TUBGCP2: variants seen among roughly 807,000 people sequenced by gnomAD.
The protein encoded by TUBGCP2 is gamma-tubulin complex component 2.
In TUBGCP2, 55 loss-of-function variants were observed where a neutral mutation model predicts 92.2. That is an observed-to-expected ratio of 0.60 (90% confidence interval 0.48 to 0.75). TUBGCP2 has a LOEUF of 0.75. Ranked by LOEUF, TUBGCP2 falls within the 30% of genes least tolerant of loss-of-function variation. The probability of loss-of-function intolerance (pLI) is 0.00; values close to 1 mark genes in which losing one functional copy is unlikely to be tolerated. For synonymous variants in TUBGCP2, 533 were observed against 505.2 expected, an observed-to-expected ratio of 1.06 and a Z score of -0.74; for missense variants, 1,093 against 1,188.9, an observed-to-expected ratio of 0.92 and a Z score of 1.19.
chr10:133,304,105 G>C (rs998225782), intron 1 of TUBGCP2, among the ~76,000 whole-genome samples: 1 of 152,232 alleles, frequency 6.6e-6, no homozygotes. Context: ...GGCTGAGTCA[G>C]GTGAGTCACT....
chr10:133,303,250 C>T (rs555149630), intron 1 of TUBGCP2, among the ~76,000 whole-genome samples: 1 of 148,918 alleles, frequency 6.7e-6, no homozygotes, highest in Admixed American at 6.8e-5. Flanking sequence ...TGAACTCCAG[C>T]AGCCTCTCAG....
In TUBGCP2 at chr10:133,293,573, G is replaced by A. The variant is rs766939009; in HGVS notation, c.813C>T (p.Ser271=). 1.4e-4 allele frequency: 221 copies of A among 1,552,090 alleles called. No individual in the cohort carries two copies. The highest frequency in any genetic ancestry group is 1.7e-4 in the Non-Finnish European group (191 of 1,147,748). Residue 271 remains serine, a synonymous_variant, in exon 6 of 18, where the codon TCC becomes TCT. Coordinates refer to ENST00000252936, the MANE Select transcript of TUBGCP2 (RefSeq NM_006659.4). ...HRILPVAASY[S]AVTRFIEEKS... ...CGCCCGGTGCCCACCTGGTCACAGC[G>A]GAGTAGCTGGCGGCCACTGGGAGGA...
chr10:133,286,171 C>A (rs2136113064), intron 11 of TUBGCP2, among the ~76,000 whole-genome samples: 1 of 152,106 alleles, frequency 6.6e-6, no homozygotes. Context: ...CAGACGAAAT[C>A]GTGACCATCA....
chr10:133,309,652 AG>A (rs1209049949), upstream of TUBGCP2: 5 of 1,306,494 alleles, frequency 3.8e-6, no homozygotes, highest in Non-Finnish European at 5.4e-6. Context: ...TCATAAAAAG[AG>A]GGTTTGGGAT....
At chr10:133,290,249 C>T (rs1589826516) in intron 8 of TUBGCP2, 1 of 360,928 alleles carries the variant, frequency 2.8e-6, no homozygotes, top group Non-Finnish European at 5.3e-6. Flanking sequence ...AACCCCAGCA[C>T]TTTGGGAGGC....
intron 4 of TUBGCP2, among the ~76,000 whole-genome samples, chr10:133,298,653 G>C (rs1847548804): frequency 6.6e-6 from 1 of 152,274 alleles, no homozygotes; most frequent in Non-Finnish European, 1.5e-5. Context: ...GGCCTGGGCT[G>C]GCCCAGCTTT....
chr10:133,282,375 G>C (rs1847006948), intron 15 of TUBGCP2, 33 bp from the exon 16 acceptor site: 2 of 1,564,638 alleles, frequency 1.3e-6, no homozygotes, highest in African/African-American at 2.7e-5. Flanking sequence ...AAATGCTTCT[G>C]TTAGTTACAA....
chr10:133,278,986 G>C lies in TUBGCP2; in HGVS notation c.*780C>G, dbSNP rs936265474. ...GCAGCCCTGAGGCTCCCAGGGCCCT[G>C]TCACACTGGGGATGGCGGTGCTGCC... On this transcript the variant is annotated 3_prime_UTR_variant, in exon 18 of 18. Coordinates refer to ENST00000252936, the MANE Select transcript of TUBGCP2 (RefSeq NM_006659.4). 5 of 152,328 alleles carry C rather than the reference G, an allele frequency of 3.3e-5. No individual in the cohort carries two copies. Among genetic ancestry groups the C allele is most frequent in the African/African-American group, 9.7e-5 (4 of 41,440 alleles). 9.4% of individuals were successfully genotyped at this position (152,328 alleles called of 1,614,324 possible). A position where few individuals can be genotyped will look rare whatever the true frequency, so the allele number is the denominator to read the frequency against.
At chr10:133,307,538 A>G (rs1847854377) in intron 1 of TUBGCP2, among the ~76,000 whole-genome samples, 1 of 152,278 alleles carries the variant, frequency 6.6e-6, no homozygotes, top group African/African-American at 2.4e-5. Context: ...ATCACTCAAC[A>G]TTCTGAGAAA....
chr10:133,300,910 T>C (rs1847633330), intron 2 of TUBGCP2, among the ~76,000 whole-genome samples: 1 of 152,142 alleles, frequency 6.6e-6, no homozygotes, highest in East Asian at 1.9e-4. Context: ...GCAACTTGCA[T>C]TTCCCCCCAG....
intron 8 of TUBGCP2, chr10:133,290,302 G>A (rs1461197532): frequency 1.3e-5 from 3 of 235,152 alleles, no homozygotes; most frequent in East Asian, 8.5e-5. Flanking sequence ...AGACCATCCT[G>A]GCCAACACAG....
chr10:133,298,904 A>T (rs1315860238), intron 4 of TUBGCP2, among the ~76,000 whole-genome samples: 1 of 152,252 alleles, frequency 6.6e-6, no homozygotes, highest in Admixed American at 6.5e-5. Flanking sequence ...AGGGAGTTTA[A>T]AGGTCACAAA....
rs60050223 is a variant in TUBGCP2 at position 133,289,811 on chromosome 10, C to CGCTGCGCCAAGGACCCCAGGTCCCCGCCT, written c.1360+12_1360+13insAGGCGGGGACCTGGGGTCCTTGGCGCAGC. 7.5e-4 allele frequency: 1,210 copies of CGCTGCGCCAAGGACCCCAGGTCCCCGCCT among 1,613,120 alleles called. 5 individuals are homozygous for CGCTGCGCCAAGGACCCCAGGTCCCCGCCT. In the African/African-American group the frequency reaches 0.01, roughly 14 times the overall value. On this transcript the variant is annotated intron_variant, in intron 9 of 17. Transcript: ENST00000252936. Reference sequence around the variant, plus strand: ...GTGCTGCGCACCCCAAGTCCCCGCCCGCTGCGCCGCACCTGTGCTGAGGAT... The same window carrying CGCTGCGCCAAGGACCCCAGGTCCCCGCCT: ...GTGCTGCGCACCCCAAGTCCCCGCCCGCTGCGCCAAGGACCCCAGGTCCCCGCCTGCTGCGCCGCACCTGTGCTGAGGAT...
At chr10:133,310,366 G>C (rs541557011), upstream of TUBGCP2, 452 of 1,574,530 alleles carry the variant, frequency 2.9e-4, 1 homozygote, top group African/African-American at 5.5e-3. Flanking sequence ...ATGCATAGAC[G>C]GTCAGACTTA....
chr10:133,298,630 G>A (rs576284749), intron 4 of TUBGCP2, among the ~76,000 whole-genome samples: 6 of 152,404 alleles, frequency 3.9e-5, no homozygotes, highest in African/African-American at 1.4e-4. Flanking sequence ...GGCCGCCAGA[G>A]GCTGATGGGG....
intron 15 of TUBGCP2, 101 bp from the exon 16 acceptor site, chr10:133,282,443 T>C: frequency 2.1e-6 from 3 of 1,441,828 alleles, no homozygotes; most frequent in Non-Finnish European, 2.7e-6. Flanking sequence ...CGCACCTCTG[T>C]TGTAGCCTGC....
At position 133,302,510 on chromosome 10, in the gene TUBGCP2, C is replaced by T; in HGVS notation, c.150+282G>A. 7.2e-6 allele frequency: 3 copies of T among 413,938 alleles called. No individual in the cohort carries two copies. In the South Asian group the frequency reaches 7.9e-5, roughly 11 times the overall value. 25.6% of individuals were successfully genotyped at this position (413,938 alleles called of 1,614,324 possible). Reference sequence around the variant, plus strand: ...TGCACCCTGACCCAGGGGCGGTGCTCATCATGCACCCTGACCCAGGGACGA... The same window carrying T: ...TGCACCCTGACCCAGGGGCGGTGCTTATCATGCACCCTGACCCAGGGACGA... On this transcript the variant is annotated intron_variant, in intron 2 of 17. Transcript: ENST00000252936.
In TUBGCP2 at chr10:133,297,043, C is replaced by T. The variant is rs992394965; in HGVS notation, c.616+909G>A. Among the ~76,000 whole-genome samples, 7 of 152,148 alleles carry T rather than the reference C, an allele frequency of 4.6e-5. No homozygotes were observed. In the East Asian group the frequency reaches 5.8e-4, roughly 13 times the overall value. On this transcript the variant is annotated intron_variant, in intron 5 of 17. Coordinates refer to ENST00000252936, the MANE Select transcript of TUBGCP2 (RefSeq NM_006659.4). ...ATGCTGCCTCTTGAGTTTGGACTAA[C>T]GGGGATGGGGCAAGATAAGCAGGTA...
upstream of TUBGCP2, chr10:133,309,974 C>A: frequency 6.2e-7 from 1 of 1,612,756 alleles, no homozygotes; most frequent in Non-Finnish European, 8.5e-7. Flanking sequence ...AGAGGCAGGA[C>A]ATGGTGGGTG....
Sources: gnomAD v4.1 joint callset for allele counts (sites outside exome capture counted in the v4.1 genomes callset) on GRCh38, gnomAD v4.1.1 for gene constraint, MANE v1.5 for transcripts, NCBI Gene and HGNC (gene_info 2026-07-23, HGNC 2026-07-21) for gene names.